C8orf34: variants seen among roughly 807,000 people sequenced by gnomAD.
The protein encoded by C8orf34 is uncharacterized protein C8orf34.
In C8orf34, 65 loss-of-function variants were observed where a neutral mutation model predicts 68.3. That is an observed-to-expected ratio of 0.95 (90% CI 0.78 to 1.17). The LOEUF is 1.17. Ranked by LOEUF, C8orf34 falls within the 50% of genes most tolerant of loss-of-function variation. The probability of loss-of-function intolerance (pLI) is 0.00; values close to 1 mark genes in which losing one functional copy is unlikely to be tolerated. For synonymous variants in C8orf34, 244 were observed against 241.2 expected (o/e 1.01, Z -0.11); for missense variants, 664 against 655.4 (o/e 1.01, Z -0.14).
At chr8:68,725,689 A>C (rs1821808401) in intron 10 of C8orf34, among the ~76,000 whole-genome samples, 1 of 152,162 alleles carries the variant, frequency 6.6e-6, no homozygotes, top group South Asian at 2.1e-4. Flanking sequence ...AGCTTCCAAA[A>C]GATCTTGTGA....
chr8:68,783,120 C>T (rs1585875866), intron 11 of C8orf34, among the ~76,000 whole-genome samples: 1 of 151,528 alleles, frequency 6.6e-6, no homozygotes, highest in East Asian at 1.9e-4. Flanking sequence ...TTTGGTTTTG[C>T]TTTCTTTTGT....
rs575556544 is a variant in C8orf34, at chr8:68,505,610, A to G, written c.766-16189A>G. Among the ~76,000 whole-genome samples, 265 of 133,260 alleles carry G rather than the reference A, an allele frequency of 2.0e-3. 42 individuals carry two copies. The highest frequency in any genetic ancestry group is 2.9e-3 in the Admixed American group (41 of 14,184). The allele number at this position is 133,260 out of a possible 152,430, so 87.4% of individuals were successfully genotyped here. A position where few individuals can be genotyped will look rare whatever the true frequency, so the allele number is the denominator to read the frequency against. On this transcript the variant is annotated intron_variant, in intron 5 of 13. Coordinates refer to ENST00000518698, the MANE Select transcript of C8orf34 (RefSeq NM_052958.4). ...GCCGGGCGCGGTGGCGGGCGCCTGT[A>G]GTCCCAGCTACTCGGGAGGCTGAGG...
chr8:68,375,315 T>C (rs1807745002), intron 1 of C8orf34, among the ~76,000 whole-genome samples: 1 of 152,216 alleles, frequency 6.6e-6, no homozygotes, highest in African/African-American at 2.4e-5. Context: ...ATAAATTATA[T>C]GCATGCATAA....
chr8:68,703,163 C>G (rs1189656567), intron 8 of C8orf34, among the ~76,000 whole-genome samples: 1 of 152,156 alleles, frequency 6.6e-6, no homozygotes, highest in African/African-American at 2.4e-5. Context: ...TGATCACGCA[C>G]ATGTACTAGG....
intron 1 of C8orf34, among the ~76,000 whole-genome samples, chr8:68,378,532 C>T (rs997907597): frequency 6.6e-6 from 1 of 152,166 alleles, no homozygotes; most frequent in South Asian, 2.1e-4. Context: ...AACTGATTCT[C>T]CTGCCTCAGC....
chr8:68,480,986 T>G (rs1438319522), intron 4 of C8orf34, among the ~76,000 whole-genome samples: 2 of 152,146 alleles, frequency 1.3e-5, no homozygotes, highest in African/African-American at 4.8e-5. Context: ...CTAATGTTAA[T>G]CCCCAAGACC....
chr8:68,635,590 A>G (rs776654770), intron 7 of C8orf34, among the ~76,000 whole-genome samples: 4 of 152,230 alleles, frequency 2.6e-5, no homozygotes, highest in Non-Finnish European at 5.9e-5. Flanking sequence ...TAGAAGTATG[A>G]TGAGAAGGTA....
chr8:68,439,043 A>G (rs1053670739), intron 1 of C8orf34: 4 of 152,238 alleles, frequency 2.6e-5, no homozygotes, highest in African/African-American at 9.6e-5. Context: ...AATTCCAATA[A>G]AATTTTCTTC....
intron 8 of C8orf34, among the ~76,000 whole-genome samples, chr8:68,673,113 C>T (rs966094810): frequency 6.6e-6 from 1 of 152,084 alleles, no homozygotes; most frequent in South Asian, 2.1e-4. Context: ...CCTGCATAAC[C>T]AGCAGTGGTA....
intron 7 of C8orf34, among the ~76,000 whole-genome samples, chr8:68,580,432 G>A (rs1019122607): frequency 1.3e-5 from 2 of 151,862 alleles, no homozygotes; most frequent in African/African-American, 4.8e-5. Flanking sequence ...ATTAGATTTG[G>A]GTTTTTTAAC....
chr8:68,559,316 G>A (rs1171766562), intron 7 of C8orf34, among the ~76,000 whole-genome samples: 3 of 151,610 alleles, frequency 2.0e-5, no homozygotes, highest in African/African-American at 7.3e-5. Flanking sequence ...AGGAATTCAG[G>A]AAAAATAATT....
intron 1 of C8orf34, among the ~76,000 whole-genome samples, chr8:68,331,783 C>CTTTTTTTT (rs552564162): frequency 0.013 from 394 of 29,474 alleles, 88 homozygotes; most frequent in African/African-American, 0.016. Flanking sequence ...TTCTTTCCTT[C>CTTTTTTTT]TTTTTTTTTT....
intron 1 of C8orf34, among the ~76,000 whole-genome samples, chr8:68,373,471 G>A (rs1044801833): frequency 1.1e-4 from 16 of 152,050 alleles, no homozygotes; most frequent in African/African-American, 2.7e-4. Flanking sequence ...TGATTGAACC[G>A]GTTTGTCCCC....
chr8:68,496,022 C>T (rs1813507071), intron 5 of C8orf34, among the ~76,000 whole-genome samples: 1 of 152,136 alleles, frequency 6.6e-6, no homozygotes, highest in Non-Finnish European at 1.5e-5. Context: ...TACCACAAGA[C>T]ATTTTCTTTG....
chr8:68,506,390 G>GGTC lies in C8orf34; in HGVS notation c.766-15408_766-15406dup, dbSNP rs1391959774. ...ATTTTATAATTATTTTATGAGATGA[G>GGTC]GTCTCACTATATTACCCAAGTTGGA... On this transcript the variant is annotated intron_variant, in intron 5 of 13. Coordinates refer to ENST00000518698, the MANE Select transcript of C8orf34 (RefSeq NM_052958.4). Among the ~76,000 whole-genome samples, 23 of 152,240 alleles carry GGTC rather than the reference G, an allele frequency of 1.5e-4. No homozygotes were observed. In the South Asian group the frequency reaches 1.9e-3, roughly 12 times the overall value.
At chr8:68,390,923 G>C (rs138896242) in intron 1 of C8orf34, among the ~76,000 whole-genome samples, 1 of 152,108 alleles carries the variant, frequency 6.6e-6, no homozygotes. Flanking sequence ...CTTCAGGAAA[G>C]CTCAGTTTTT....
At chr8:68,728,760 C>A (rs893199571) in intron 10 of C8orf34, among the ~76,000 whole-genome samples, 1 of 152,182 alleles carries the variant, frequency 6.6e-6, no homozygotes, top group Admixed American at 6.5e-5. Context: ...CTGAGAGATA[C>A]AATTCAAGTT....
chr8:68,637,079 G>A (rs557517135), intron 7 of C8orf34, among the ~76,000 whole-genome samples: 28 of 152,274 alleles, frequency 1.8e-4, no homozygotes, highest in Non-Finnish European at 3.1e-4. Flanking sequence ...ACTGATCCAA[G>A]TATAGCAAGA....
intron 7 of C8orf34, among the ~76,000 whole-genome samples, chr8:68,577,658 TTAAATC>T (rs1816944963): frequency 6.6e-6 from 1 of 151,930 alleles, no homozygotes; most frequent in South Asian, 2.1e-4. Flanking sequence ...TTTCAAAAAA[TTAAATC>T]TAGATACAAT....
Sources: allele counts gnomAD v4.1 joint callset (sites outside exome capture counted in the v4.1 genomes callset), GRCh38; gene constraint gnomAD v4.1.1; transcripts MANE v1.5; gene names NCBI Gene and HGNC (gene_info 2026-07-23, HGNC 2026-07-21).